Variants in ABI3BP observed in about 807,000 individuals in gnomAD.
The protein encoded by ABI3BP is target of Nesh-SH3.
In ABI3BP, 216 loss-of-function variants were observed where a neutral mutation model predicts 268.6. The ratio of observed to expected loss-of-function variants is 0.80; its 90% CI spans 0.72 to 0.90. ABI3BP has a LOEUF of 0.90. Ranked by LOEUF, ABI3BP falls within the 40% of genes least tolerant of loss-of-function variation. ABI3BP has a pLI of 0.00. For missense variants in ABI3BP, 2,090 were observed against 2,182.4 expected, an observed-to-expected ratio of 0.96 and a Z score of 0.84; for synonymous variants, 730 against 730.0, an observed-to-expected ratio of 1.00 and a Z score of 0.00.
chr3:100,868,036 A>T (rs1045074314), intron 9 of ABI3BP, among the ~76,000 whole-genome samples: 1 of 152,196 alleles, frequency 6.6e-6, no homozygotes, highest in Non-Finnish European at 1.5e-5. Context: ...TCTGTGTTGA[A>T]TCATAATATT....
intron 1 of ABI3BP, among the ~76,000 whole-genome samples, chr3:100,956,190 G>A (rs1461792716): frequency 7.3e-6 from 1 of 136,744 alleles, no homozygotes; most frequent in African/African-American, 2.8e-5. Context: ...CTCAGACTCT[G>A]TCTCAAAAAA....
chr3:100,979,403 G>A (rs902989930), intron 1 of ABI3BP, among the ~76,000 whole-genome samples: 8 of 152,078 alleles, frequency 5.3e-5, no homozygotes, highest in African/African-American at 1.9e-4. Flanking sequence ...AGAGGTAAAT[G>A]TTTCTTGCCA....
At chr3:100,951,242 C>T (rs942440379) in intron 1 of ABI3BP, among the ~76,000 whole-genome samples, 2 of 151,818 alleles carry the variant, frequency 1.3e-5, no homozygotes, top group Admixed American at 6.6e-5. Flanking sequence ...TGTGTATGCA[C>T]GTGTGTGAGC....
At chr3:100,812,178 G>A (rs1350901521) in intron 46 of ABI3BP, among the ~76,000 whole-genome samples, 3 of 152,050 alleles carry the variant, frequency 2.0e-5, no homozygotes, top group Non-Finnish European at 4.4e-5. Context: ...AAAGTGATAT[G>A]AAAATGAAAA....
At chr3:100,820,987 A>T (rs1197930163) in intron 39 of ABI3BP, 67 bp downstream of exon 39, 1 of 1,286,324 alleles carries the variant, frequency 7.8e-7, no homozygotes, top group Admixed American at 2.0e-5. Flanking sequence ...ATCTGCGGCT[A>T]TGATGATGGA....
At position 100,749,425 on chromosome 3, in the gene ABI3BP, G is replaced by GGTAA. The variant is rs139253819; in HGVS notation, c.*1066_*1069dup. On this transcript the variant is annotated 3_prime_UTR_variant, in exon 68 of 68. Coordinates refer to ENST00000471714, the MANE Select transcript of ABI3BP (RefSeq NM_001375547.2). Reference sequence around the variant, plus strand: ...TTGATAAGATTGAAGCATGTTGAAAGGTAAGTACAGGGAAAGGTCCTTTCA... The same window carrying GGTAA: ...TTGATAAGATTGAAGCATGTTGAAAGGTAAGTAAGTACAGGGAAAGGTCCTTTCA... 1.5e-3 allele frequency: 598 copies of GGTAA among 386,528 alleles called. 3 individuals carry two copies. Among genetic ancestry groups the GGTAA allele is most frequent in the African/African-American group, 8.8e-3 (428 of 48,500 alleles). 23.9% of individuals were successfully genotyped at this position (386,528 alleles called of 1,614,324 possible). A position where few individuals can be genotyped will look rare whatever the true frequency, so the allele number is the denominator to read the frequency against.
chr3:100,902,589 GA>G (rs772018452), intron 3 of ABI3BP, 28 bp downstream of exon 3: 2 of 1,607,116 alleles, frequency 1.2e-6, no homozygotes, highest in East Asian at 4.5e-5. Flanking sequence ...GTTCATAAAA[GA>G]AAAAGAATTC....
At chr3:100,751,376 C>A (rs1176598999) in intron 67 of ABI3BP, among the ~76,000 whole-genome samples, 176 bp downstream of exon 67, 1 of 152,038 alleles carries the variant, frequency 6.6e-6, no homozygotes, top group Non-Finnish European at 1.5e-5. Context: ...TCTGTAATTT[C>A]CCTTGGCTCC....
intron 51 of ABI3BP, among the ~76,000 whole-genome samples, chr3:100,797,586 G>A (rs551313211): frequency 1.8e-4 from 25 of 140,242 alleles, no homozygotes; most frequent in South Asian, 4.5e-4. Flanking sequence ...TTTTTATTAT[G>A]AGGTGGCCAA....
chr3:100,942,418 G>C (rs2069799778), intron 1 of ABI3BP, among the ~76,000 whole-genome samples: 1 of 152,008 alleles, frequency 6.6e-6, no homozygotes, highest in South Asian at 2.1e-4. Flanking sequence ...AAAAATACAA[G>C]GTGTCAAAAT....
intron 31 of ABI3BP, among the ~76,000 whole-genome samples, chr3:100,830,894 T>C (rs1426348080): frequency 1.3e-5 from 2 of 152,176 alleles, no homozygotes; most frequent in Non-Finnish European, 2.9e-5. Context: ...TAAGATCTTC[T>C]TGTTGGTTAA....
intron 50 of ABI3BP, among the ~76,000 whole-genome samples, chr3:100,805,311 G>A (rs995062709): frequency 6.6e-6 from 1 of 151,984 alleles, no homozygotes; most frequent in African/African-American, 2.4e-5. Flanking sequence ...AAGTCCTCTT[G>A]GGCAACAGCA....
At chr3:100,888,405 C>G (rs922598940) in intron 4 of ABI3BP, among the ~76,000 whole-genome samples, 17 of 152,034 alleles carry the variant, frequency 1.1e-4, no homozygotes, top group Admixed American at 8.5e-4. Context: ...TGTTAAGAAG[C>G]TAAAATCAGA....
chr3:100,910,480 A>G (rs2055872373), intron 2 of ABI3BP, among the ~76,000 whole-genome samples: 1 of 152,160 alleles, frequency 6.6e-6, no homozygotes, highest in African/African-American at 2.4e-5. Context: ...AAATTTTCAT[A>G]CAAATTTCTT....
In ABI3BP at chr3:100,811,213, G is replaced by A. The variant is rs1379811875; in HGVS notation, c.3541+17C>T. ...GAAGACAGAGAGCACCCAGGGTTGG[G>A]CTACCGAGGTTATTACCTAGTGTGG... On this transcript the variant is annotated intron_variant, in intron 48 of 67. Coordinates refer to ENST00000471714, the MANE Select transcript of ABI3BP (RefSeq NM_001375547.2). 5.2e-6 allele frequency: 8 copies of A among 1,530,850 alleles called. No individual in the cohort carries two copies. The highest frequency in any genetic ancestry group is 7.0e-6 in the Non-Finnish European group (8 of 1,144,006). The allele number at this position is 1,530,850 out of a possible 1,614,324, so 94.8% of individuals were successfully genotyped here. A position where few individuals can be genotyped will look rare whatever the true frequency, so the allele number is the denominator to read the frequency against.
chr3:100,988,173 C>T (rs1332682935), intron 1 of ABI3BP, among the ~76,000 whole-genome samples: 2 of 152,154 alleles, frequency 1.3e-5, no homozygotes, highest in East Asian at 3.9e-4. Flanking sequence ...TCAACCACCT[C>T]TTGGAGAAGT....
intron 47 of ABI3BP, among the ~76,000 whole-genome samples, 151 bp from the exon 48 acceptor site, chr3:100,811,428 CCTATT>C (rs918403992): frequency 1.3e-5 from 2 of 152,010 alleles, no homozygotes; most frequent in African/African-American, 4.8e-5. Flanking sequence ...GGAGAAAAAT[CCTATT>C]CTATAATACT....
chr3:100,832,352 T>C lies in ABI3BP; in HGVS notation c.2315-2A>G. 4 of 1,535,350 alleles carry C rather than the reference T, an allele frequency of 2.6e-6. No homozygotes were observed. The highest frequency in any genetic ancestry group is 3.5e-6 in the Non-Finnish European group (4 of 1,146,406). On this transcript the variant is annotated splice_acceptor_variant, in intron 30 of 67. Coordinates refer to ENST00000471714, the MANE Select transcript of ABI3BP (RefSeq NM_001375547.2). LOFTEE classifies it high-confidence loss of function. ...TTCTTTTTGTTGTTGTTGTTGGAGCTGAAGGAAGAAAATTTAGGATTAATA... is the reference window on the plus strand; with the variant it reads ...TTCTTTTTGTTGTTGTTGTTGGAGCCGAAGGAAGAAAATTTAGGATTAATA...
chr3:100,899,366 C>A (rs1007536762), intron 3 of ABI3BP, among the ~76,000 whole-genome samples: 1 of 152,110 alleles, frequency 6.6e-6, no homozygotes, highest in African/African-American at 2.4e-5. Flanking sequence ...ACCTTATTAT[C>A]TAGATTGTAG....
Sources: allele counts gnomAD v4.1 joint callset (sites outside exome capture counted in the v4.1 genomes callset), GRCh38; gene constraint gnomAD v4.1.1; transcripts MANE v1.5; gene names NCBI Gene and HGNC (gene_info 2026-07-23, HGNC 2026-07-21).